The following PRAMEF14 variants were observed in gnomAD, a reference collection of about 807,000 sequenced individuals.
The protein encoded by PRAMEF14 is PRAME family member 14.
Under a neutral mutation model 38.3 loss-of-function variants are expected in PRAMEF14, and 24 were observed. That is an observed-to-expected ratio of 0.63 (90% CI 0.45 to 0.88). PRAMEF14 has a LOEUF of 0.88. Ranked by LOEUF, PRAMEF14 falls within the 40% of genes least tolerant of loss-of-function variation. PRAMEF14 has a pLI of 0.00. For missense variants in PRAMEF14, 477 were observed against 570.8 expected (o/e 0.84, Z 1.67); for synonymous variants, 194 against 226.4 (o/e 0.86, Z 1.29).
chr1:13,342,945 A>C lies in PRAMEF14; in HGVS notation c.1008T>G (p.Ser336Arg). 6.2e-7 allele frequency: 1 copy of C among 1,608,368 alleles called. No homozygotes were observed. The highest frequency in any genetic ancestry group is 8.5e-7 in the Non-Finnish European group (1 of 1,178,224). Reference protein sequence around the residue: ...NLSYVLLFRISLEPLGALLEK... With the variant: ...NLSYVLLFRIRLEPLGALLEK... ...CTAGCAGAGCTCCGAGGGGTTCAAG[A>C]CTGATGCGGAACAGCAGCACGTAGC... The change falls in exon 4 of 4, where the codon AGT (serine) becomes AGG (arginine). Residue 336 changes from serine to arginine, a missense_variant. Physicochemically the swap from Ser to Arg is moderately radical, Grantham distance 110. Around this residue, in one of 4 missense-constraint regions of PRAMEF14, gnomAD observed 34 missense variants for 66.1 expected, o/e 0.51. Coordinates refer to ENST00000334600, the MANE Select transcript of PRAMEF14 (RefSeq NM_001024661.2).
Position 13,344,634 on chromosome 1 carries a change from G to A in PRAMEF14, c.288-18C>T, listed in dbSNP as rs1222292536. 5.6e-6 allele frequency: 9 copies of A among 1,604,070 alleles called. 1 individual carries two copies. Among genetic ancestry groups the A allele is most frequent in the Non-Finnish European group, 7.6e-6 (9 of 1,176,904 alleles). Reference sequence around the variant, plus strand: ...TCCACCTCCTGTGGGTAAAGTAAGGGAGAGACTCAGAATTTAGAAGGACTC... The same window carrying A: ...TCCACCTCCTGTGGGTAAAGTAAGGAAGAGACTCAGAATTTAGAAGGACTC... On this transcript the variant is annotated intron_variant, in intron 2 of 3. Transcript: ENST00000334600.
In PRAMEF14 at chr1:13,342,770, T is replaced by C. The variant is rs775391789; in HGVS notation, c.1183A>G (p.Lys395Glu). 2 of 1,603,944 alleles carry C rather than the reference T, an allele frequency of 1.2e-6. No individual in the cohort carries two copies. Among genetic ancestry groups the C allele is most frequent in the Non-Finnish European group, 1.7e-6 (2 of 1,176,936 alleles). Reference protein sequence around the residue: ...GRNCMSMGALKDLLCHTSGLS... With the variant: ...GRNCMSMGALEDLLCHTSGLS... ...CCACTGGTGTGGCACAACAGGTCCT[T>C]CAGGGCACCCATAGACATACAATTT... Residue 395 changes from lysine (K) to glutamate (E), a missense_variant, in exon 4 of 4, where the codon AAG (lysine) becomes GAG (glutamate). Physicochemically the swap from Lys to Glu is moderately conservative, Grantham distance 56. Coordinates refer to ENST00000334600, the MANE Select transcript of PRAMEF14 (RefSeq NM_001024661.2).
intron 3 of PRAMEF14, 29 bp from the exon 4 acceptor site, chr1:13,343,115 C>A: frequency 6.2e-7 from 1 of 1,604,962 alleles, no homozygotes; most frequent in Non-Finnish European, 8.5e-7. Context: ...TAGTTCTGGG[C>A]AATGGTACCA....
chr1:13,346,243 C>T (rs2637951), intron 1 of PRAMEF14, among the ~76,000 whole-genome samples: 1 of 151,288 alleles, frequency 6.6e-6, no homozygotes, highest in Non-Finnish European at 1.5e-5. Context: ...CGCGGTGGCT[C>T]ACTCCTGTAA....
In PRAMEF14 at chr1:13,342,314, C is replaced by A. The variant is rs1326450196; in HGVS notation, c.*214G>T. The A allele has an allele frequency of 7.9e-5, 70 of 890,954 alleles. No individual in the cohort carries two copies. In the African/African-American group the frequency reaches 1.0e-3, roughly 13 times the overall value. The allele number at this position is 890,954 out of a possible 1,614,324, so 55.2% of individuals were successfully genotyped here. ...ATCCCAGCACTTTAGGAAGCTGAGG[C>A]AGGAGGATCCCATAAGCCCAGCTGA... On this transcript the variant is annotated 3_prime_UTR_variant, in exon 4 of 4. Coordinates refer to ENST00000334600, the MANE Select transcript of PRAMEF14 (RefSeq NM_001024661.2).
chr1:13,346,393 A>C (rs1292823825), intron 1 of PRAMEF14, among the ~76,000 whole-genome samples: 2 of 150,724 alleles, frequency 1.3e-5, no homozygotes, highest in East Asian at 2.1e-4. Flanking sequence ...CTGTAATCCA[A>C]GCTACTCAGG....
At position 13,343,041 on chromosome 1, in the gene PRAMEF14, G is replaced by C; in HGVS notation, c.912C>G (p.Tyr304Ter). The C allele has an allele frequency of 2.5e-6, 4 of 1,612,142 alleles. No homozygotes were observed. The highest frequency in any genetic ancestry group is 2.5e-6 in the Non-Finnish European group (3 of 1,179,370). ...PLENLELTYG[Y>*]LLEEDMKCLS... The stretch of plus-strand genomic sequence containing the variant: ...GACACTTCATGTCTTCTTCCAATAG[G>C]TAGCCATAAGTTAATTCCAAGTTCT... Residue 304 changes from tyrosine (Y) to a stop codon, truncating the protein, a stop_gained, in exon 4 of 4, where the codon TAC (tyrosine) becomes TAG (stop). Coordinates refer to ENST00000334600, the MANE Select transcript of PRAMEF14 (RefSeq NM_001024661.2). LOFTEE classifies it high-confidence loss of function.
Position 13,342,636 on chromosome 1 carries a change from A to G in PRAMEF14, c.1317T>C (p.Cys439=), listed in dbSNP as rs1640343592. ...IFALLRAELM[C]TLREVRQPKR... The stretch of plus-strand genomic sequence containing the variant: ...TGGGCTGCCTGACTTCCCTCAGTGT[A>G]CACATCAGCTCAGCCCGAAGTAGGG... The change falls in exon 4 of 4, where the codon TGT becomes TGC. Residue 439 remains cysteine (C), a synonymous_variant. Coordinates refer to ENST00000334600, the MANE Select transcript of PRAMEF14 (RefSeq NM_001024661.2). 6.2e-7 allele frequency: 1 copy of G among 1,604,922 alleles called. No individual in the cohort carries two copies. The highest frequency in any genetic ancestry group is 1.7e-5 in the Admixed American group (1 of 59,756).
In PRAMEF14 at chr1:13,344,097, G is replaced by A. The variant is rs1201662184; in HGVS notation, c.807C>T (p.Leu269=). 1.9e-5 allele frequency: 30 copies of A among 1,608,182 alleles called. No homozygotes were observed. The highest frequency in any genetic ancestry group is 2.5e-5 in the Non-Finnish European group (29 of 1,178,370). ...FSSVFLRLEH[L]QLLKIKLITF... ...TGATCAATTTTATTTTAAGCAACTGGAGGTGTTCCAGCCTGAGGAACACAG... is the reference window on the plus strand; with the variant it reads ...TGATCAATTTTATTTTAAGCAACTGAAGGTGTTCCAGCCTGAGGAACACAG... Residue 269 remains leucine, a synonymous_variant, in exon 3 of 4, where the codon CTC becomes CTT. Coordinates refer to ENST00000334600, the MANE Select transcript of PRAMEF14 (RefSeq NM_001024661.2).
rs1640353091 is a variant in PRAMEF14, at chr1:13,343,084, C to T, written c.869G>A (p.Cys290Tyr). ...FSGHLEQLIR[C>Y]LQNPLENLEL... ...CAAGTTCTCCAAGGGGTTCTGGAGGCACCTGTGGAGATCAAGAAGTTAGTT... is the reference window on the plus strand; with the variant it reads ...CAAGTTCTCCAAGGGGTTCTGGAGGTACCTGTGGAGATCAAGAAGTTAGTT... The change falls in exon 4 of 4, where the codon TGC becomes TAC. Residue 290 changes from cysteine to tyrosine, a missense_variant and splice_region_variant. Transcript: ENST00000334600. The T allele has an allele frequency of 1.2e-6, 2 of 1,609,966 alleles. No homozygotes were observed. Among genetic ancestry groups the T allele is most frequent in the Middle Eastern group, 3.5e-4 (2 of 5,762 alleles).
chr1:13,345,045 T>C lies in PRAMEF14; in HGVS notation c.270A>G (p.Thr90=), dbSNP rs1640382974. ...ALLEGLHMLL[T]QKDRPRRWKL... is the part of the protein sequence containing the mutation. Reference sequence around the variant, plus strand: ...CACCTCACCTGGGGCGATCCTTCTGTGTAAGCAGCATATGAAGCCCTTCCA... The same window carrying C: ...CACCTCACCTGGGGCGATCCTTCTGCGTAAGCAGCATATGAAGCCCTTCCA... The change falls in exon 2 of 4, where the codon ACA becomes ACG. Residue 90 remains threonine, a synonymous_variant. Coordinates refer to ENST00000334600, the MANE Select transcript of PRAMEF14 (RefSeq NM_001024661.2). 1 of 1,570,148 alleles carries C rather than the reference T, an allele frequency of 6.4e-7. No homozygotes were observed. Among genetic ancestry groups the C allele is most frequent in the African/African-American group, 1.4e-5 (1 of 73,962 alleles).
chr1:13,345,549 G>A (rs1348095045), intron 1 of PRAMEF14, among the ~76,000 whole-genome samples: 24 of 150,720 alleles, frequency 1.6e-4, no homozygotes, highest in Non-Finnish European at 2.7e-4. Flanking sequence ...CTACCTCTTT[G>A]AGGAAAAATT....
rs1282116639 is a variant in PRAMEF14 at position 13,343,243 on chromosome 1, G to A, written c.867-157C>T. On this transcript the variant is annotated intron_variant, in intron 3 of 3. Transcript: ENST00000334600. ...TTGCTGCATGATGAGGACCCTGATC[G>A]TTCAGGGGCTGTCCCATTTTAGCCT... The A allele has an allele frequency of 2.2e-3, 604 of 273,738 alleles. 37 individuals are homozygous for A. In the East Asian group the frequency reaches 0.034, roughly 16 times the overall value. 17.0% of individuals were successfully genotyped at this position (273,738 alleles called of 1,614,324 possible).
In PRAMEF14 at chr1:13,343,011, G is replaced by A. The variant is rs543995470; in HGVS notation, c.942C>T (p.Ser314=). ...YLLEEDMKCL[S]QYPSLGYLKH... ...TTAGGTAACCGAGGCTTGGGTACTG[G>A]GAGAGACACTTCATGTCTTCTTCCA... is the stretch of plus-strand genomic sequence containing the variant. The change falls in exon 4 of 4, where the codon TCC becomes TCT. Residue 314 remains serine, a synonymous_variant. Transcript: ENST00000334600. 1.5e-3 allele frequency: 2,444 copies of A among 1,611,760 alleles called. 18 individuals are homozygous for A. In the Middle Eastern group the frequency reaches 0.028, roughly 18 times the overall value.
chr1:13,344,229 A>G lies in PRAMEF14; in HGVS notation c.675T>C (p.Arg225=). 1.2e-6 allele frequency: 2 copies of G among 1,608,676 alleles called. No homozygotes were observed. The highest frequency in any genetic ancestry group is 4.7e-5 in the East Asian group (2 of 42,288). The change falls in exon 3 of 4, where the codon CGT becomes CGC. Residue 225 remains arginine (R), a synonymous_variant. Transcript: ENST00000334600. ...GATTCTTCATCTCCTTCAGGTAACA[A>G]CGAAGCTTTCTTATCAGACGTGGCC... ...MSWPRLIRKL[R]CYLKEMKNLR...
intron 3 of PRAMEF14, chr1:13,343,511 G>A (rs747384441): frequency 0.024 from 29,038 of 1,232,266 alleles, 1,057 homozygotes; most frequent in Non-Finnish European, 0.027. Flanking sequence ...CCACTCTCAC[G>A]CCTACTCCCT....
Position 13,344,121 on chromosome 1 carries a change from A to G in PRAMEF14, c.783T>C (p.Ser261=). 5.6e-6 allele frequency: 9 copies of G among 1,606,764 alleles called. 1 individual carries two copies. The highest frequency in any genetic ancestry group is 7.6e-6 in the Non-Finnish European group (9 of 1,177,264). ...LEGRLVTKFS[S]VFLRLEHLQL... is the part of the protein sequence containing the mutation. The stretch of plus-strand genomic sequence containing the variant: ...GGAGGTGTTCCAGCCTGAGGAACAC[A>G]GAGCTGAATTTGGTGACTAACCGTC... The change falls in exon 3 of 4, where the codon TCT becomes TCC. Residue 261 remains serine (S), a synonymous_variant. Coordinates refer to ENST00000334600, the MANE Select transcript of PRAMEF14 (RefSeq NM_001024661.2).
chr1:13,344,775 T>G (rs1640379896), intron 2 of PRAMEF14, 159 bp from the exon 3 acceptor site: 2 of 855,960 alleles, frequency 2.3e-6, no homozygotes, highest in African/African-American at 1.8e-5. Context: ...CTTTTGATTC[T>G]GACTTTTGAT....
rs1640382500 is a variant in PRAMEF14 at position 13,345,008 on chromosome 1, G to A, written c.287+20C>T. On this transcript the variant is annotated intron_variant, in intron 2 of 3. Coordinates refer to ENST00000334600, the MANE Select transcript of PRAMEF14 (RefSeq NM_001024661.2). Reference sequence around the variant, plus strand: ...CTGGACACCTGAGCCCTATCTACCAGCCCTCCTGGGTCACCTCACCTGGGG... The same window carrying A: ...CTGGACACCTGAGCCCTATCTACCAACCCTCCTGGGTCACCTCACCTGGGG... 7.0e-7 allele frequency: 1 copy of A among 1,423,658 alleles called. No homozygotes were observed. The highest frequency in any genetic ancestry group is 1.4e-5 in the African/African-American group (1 of 70,468). 88.2% of individuals were successfully genotyped at this position (1,423,658 alleles called of 1,614,324 possible).
Sources: allele counts gnomAD v4.1 joint callset (sites outside exome capture counted in the v4.1 genomes callset), GRCh38; gene constraint gnomAD v4.1.1; regional missense constraint gnomAD v4.1.1; transcripts MANE v1.5; gene names NCBI Gene and HGNC (gene_info 2026-07-23, HGNC 2026-07-21).